SMG6: variants seen among roughly 807,000 people sequenced by gnomAD.
SMG6 encodes the protein SMG6 nonsense mediated mRNA decay factor.
In SMG6, 66 loss-of-function variants were observed where a neutral mutation model predicts 142.2. The observed-to-expected ratio is 0.46, with a 90% confidence interval of 0.38 to 0.57. The LOEUF (loss-of-function observed/expected upper bound fraction) is 0.57. Ranked by LOEUF, SMG6 falls within the 20% of genes least tolerant of loss-of-function variation. The pLI is 0.00. For synonymous variants in SMG6, 779 were observed against 702.4 expected (o/e 1.11, Z -1.72); for missense variants, 1,793 against 1,832.0 (o/e 0.98, Z 0.39).
chr17:2,141,909 A>G (rs2070492660), intron 13 of SMG6, among the ~76,000 whole-genome samples: 1 of 152,202 alleles, frequency 6.6e-6, no homozygotes, highest in South Asian at 2.1e-4. Context: ...TTTGTAATCA[A>G]TCTGATCCAA....
At chr17:2,150,650 T>C (rs944655176) in intron 13 of SMG6, among the ~76,000 whole-genome samples, 1 of 152,252 alleles carries the variant, frequency 6.6e-6, no homozygotes, top group Non-Finnish European at 1.5e-5. Context: ...GATGGCCATC[T>C]TGAGATGTTC....
intron 8 of SMG6, among the ~76,000 whole-genome samples, chr17:2,264,083 G>A (rs556215186): frequency 1.2e-5 from 1 of 86,586 alleles, no homozygotes; most frequent in East Asian, 2.4e-4. Context: ...TGCTCCCAGA[G>A]TAACATCACC....
intron 13 of SMG6, among the ~76,000 whole-genome samples, chr17:2,164,040 C>T (rs183878163): frequency 2.4e-4 from 36 of 150,920 alleles, no homozygotes; most frequent in Admixed American, 1.3e-3. Context: ...CCAGCCTGGG[C>T]GACAGAGAAA....
At chr17:2,064,078 G>A (rs1306117500) in intron 18 of SMG6, among the ~76,000 whole-genome samples, 1 of 152,136 alleles carries the variant, frequency 6.6e-6, no homozygotes, top group African/African-American at 2.4e-5. Flanking sequence ...TGTATGGGGA[G>A]AGGACGCAGG....
chr17:2,286,016 A>G (rs2074897371), intron 6 of SMG6, among the ~76,000 whole-genome samples: 1 of 152,152 alleles, frequency 6.6e-6, no homozygotes, highest in South Asian at 2.1e-4. Context: ...AGAGAAAAAA[A>G]AGAAAACAAT....
chr17:2,233,490 C>G (rs984517003), intron 10 of SMG6: 1 of 152,470 alleles, frequency 6.6e-6, no homozygotes, highest in African/African-American at 2.4e-5. Context: ...GCAACTCTGA[C>G]AGAATGCAGA....
intron 15 of SMG6, among the ~76,000 whole-genome samples, chr17:2,079,260 G>A (rs2068343581): frequency 6.6e-6 from 1 of 152,232 alleles, no homozygotes; most frequent in Non-Finnish European, 1.5e-5. Context: ...CACCGTGCCT[G>A]GCCATATTGG....
intron 8 of SMG6, among the ~76,000 whole-genome samples, chr17:2,265,685 C>G (rs1161410245): frequency 2.0e-5 from 3 of 152,212 alleles, no homozygotes; most frequent in Non-Finnish European, 4.4e-5. Context: ...ACGTACATCT[C>G]TGTCTCGTGT....
chr17:2,251,607 C>T (rs1217158614), intron 8 of SMG6, among the ~76,000 whole-genome samples: 1 of 152,226 alleles, frequency 6.6e-6, no homozygotes, highest in East Asian at 1.9e-4. Context: ...CAATGCCTCT[C>T]AACTTTGCAC....
intron 12 of SMG6, among the ~76,000 whole-genome samples, chr17:2,182,335 G>A (rs1179033787): frequency 6.6e-6 from 1 of 152,164 alleles, no homozygotes; most frequent in African/African-American, 2.4e-5. Context: ...CAGCTGCACA[G>A]CTTGGAGCTC....
chr17:2,259,961 T>TCGGC (rs2074276479), intron 8 of SMG6, among the ~76,000 whole-genome samples: 1 of 152,140 alleles, frequency 6.6e-6, no homozygotes, highest in South Asian at 2.1e-4. Context: ...ACAGGGAGCT[T>TCGGC]TGGCTACCTT....
intron 13 of SMG6, among the ~76,000 whole-genome samples, chr17:2,169,968 C>T (rs1214358926): frequency 6.6e-6 from 1 of 152,048 alleles, no homozygotes; most frequent in African/African-American, 2.4e-5. Context: ...GAAGACATTA[C>T]CTGCTGATGG....
chr17:2,300,427 G>A lies in SMG6; in HGVS notation c.326C>T (p.Pro109Leu). 5.6e-6 allele frequency: 9 copies of A among 1,614,146 alleles called. No homozygotes were observed. The highest frequency in any genetic ancestry group is 7.6e-6 in the Non-Finnish European group (9 of 1,180,036). Residue 109 changes from proline (P) to leucine (L), a missense_variant, in exon 2 of 19, where the codon CCT becomes CTT. Physicochemically the swap from Pro to Leu is moderately conservative, Grantham distance 98 (BLOSUM62 -3). This residue lies in a region of SMG6 where 1,597 missense variants were observed against 1,584.6 expected (regional missense o/e 1.01). Transcript: ENST00000263073. ...KELNNQEQNG[P>L]IDPENNRGQE... The stretch of plus-strand genomic sequence containing the variant: ...TCCCCGATTATTTTCTGGGTCTATA[G>A]GACCATTCTGCTCTTGGTTGTTCAG...
At position 2,280,561 on chromosome 17, in the gene SMG6, C is replaced by A; in HGVS notation, c.2661+2086G>T. The A allele has an allele frequency of 3.0e-6, 3 of 983,824 alleles. No homozygotes were observed. In the South Asian group the frequency reaches 1.4e-4, roughly 46 times the overall value. 60.9% of individuals were successfully genotyped at this position (983,824 alleles called of 1,614,324 possible). A position where few individuals can be genotyped will look rare whatever the true frequency, so the allele number is the denominator to read the frequency against. ...TACAGGCGTAAGCCACCGCGTCAGG[C>A]CAGAAACTGCAGATTTCTTCGAGGG... is the stretch of plus-strand genomic sequence containing the variant. On this transcript the variant is annotated intron_variant, in intron 8 of 18. Transcript: ENST00000263073.
At chr17:2,257,981 C>T (rs1226342608) in intron 8 of SMG6, among the ~76,000 whole-genome samples, 7 of 141,842 alleles carry the variant, frequency 4.9e-5, no homozygotes, top group Non-Finnish European at 1.1e-4. Context: ...TGGACTCCAG[C>T]CTGGGCGACA....
intron 13 of SMG6, among the ~76,000 whole-genome samples, chr17:2,112,516 T>TAA (rs2069362815): frequency 8.7e-6 from 1 of 115,326 alleles, no homozygotes; most frequent in African/African-American, 3.6e-5. Context: ...TCAAAAAAAA[T>TAA]AAAATAAAAA....
In SMG6 at chr17:2,303,133, G is replaced by A. The variant is rs186159601; in HGVS notation, c.88+500C>T. ...TAGTCTGAGGTCCCGGATCCCTCCA[G>A]TGGCGCAGCTTTCGGAAGCCTGTCT... On this transcript the variant is annotated intron_variant, in intron 1 of 18. Coordinates refer to ENST00000263073, the MANE Select transcript of SMG6 (RefSeq NM_017575.5). 5.1e-4 allele frequency: 501 copies of A among 985,448 alleles called. 5 individuals are homozygous for A. The African/African-American group carries it at 7.4e-3, about 14-fold the overall frequency. 61.0% of individuals were successfully genotyped at this position (985,448 alleles called of 1,614,324 possible). A position where few individuals can be genotyped will look rare whatever the true frequency, so the allele number is the denominator to read the frequency against.
At position 2,299,174 on chromosome 17, in the gene SMG6, G is replaced by A; in HGVS notation, c.1579C>T (p.Pro527Ser). 1 of 1,613,178 alleles carries A rather than the reference G, an allele frequency of 6.2e-7. No individual in the cohort carries two copies. Among genetic ancestry groups the A allele is most frequent in the Non-Finnish European group, 8.5e-7 (1 of 1,179,472 alleles). ...GTAGGGCCCACTGGGTACTGTAGAG[G>A]GTTATAGCCCGTATAGGGATACTGG... The part of the protein sequence containing the change: ...ASQYPYTGYN[P>S]LQYPVGPTNG... The change falls in exon 2 of 19, where the codon CCT becomes TCT. Residue 527 changes from proline to serine, a missense_variant. Around this residue, in one of 3 missense-constraint regions of SMG6, gnomAD observed 1,597 missense variants for 1,584.6 expected, o/e 1.01. Coordinates refer to ENST00000263073, the MANE Select transcript of SMG6 (RefSeq NM_017575.5). The surrounding 1 kb of genome is among the most constrained non-coding windows in gnomAD (Gnocchi z 4.3).
At chr17:2,168,731 A>G (rs1312962623) in intron 13 of SMG6, among the ~76,000 whole-genome samples, 1 of 151,610 alleles carries the variant, frequency 6.6e-6, no homozygotes, top group Non-Finnish European at 1.5e-5. Context: ...CAACAAAAAA[A>G]GTTTTTTTTG....
Sources: allele counts gnomAD v4.1 joint callset (sites outside exome capture counted in the v4.1 genomes callset), GRCh38; gene constraint gnomAD v4.1.1; regional missense constraint gnomAD v4.1.1; non-coding constraint Gnocchi (gnomAD v3.1); transcripts MANE v1.5; gene names NCBI Gene and HGNC (gene_info 2026-07-23, HGNC 2026-07-21).